STRIP2: variants seen among roughly 807,000 people sequenced by gnomAD.
STRIP2 encodes striatin interacting protein 2.
Under a neutral mutation model 107.1 loss-of-function variants are expected in STRIP2, and 84 were observed. The ratio of observed to expected loss-of-function variants is 0.78; its 90% CI spans 0.66 to 0.94. STRIP2 has a LOEUF of 0.94. STRIP2 is among the 40% of genes least tolerant of loss of function. The probability of loss-of-function intolerance (pLI) is 0.00; values close to 1 mark genes in which losing one functional copy is unlikely to be tolerated. For missense variants in STRIP2, 888 were observed against 1,034.2 expected (o/e 0.86, Z 1.94); for synonymous variants, 394 against 400.4 (o/e 0.98, Z 0.19).
At chr7:129,459,627 G>C (rs994071364) in intron 12 of STRIP2, 47 bp downstream of exon 12, 4 of 1,531,146 alleles carry the variant, frequency 2.6e-6, no homozygotes, top group Non-Finnish European at 3.6e-6. Flanking sequence ...AGCCATCAAA[G>C]CAGGTCAGAT....
At chr7:129,465,429 G>A (rs182981246) in intron 16 of STRIP2, among the ~76,000 whole-genome samples, 9 of 152,258 alleles carry the variant, frequency 5.9e-5, no homozygotes, top group East Asian at 3.9e-4. Flanking sequence ...TTTAAAAACC[G>A]TAATTAAATG....
chr7:129,478,593 C>T (rs981864834), intron 18 of STRIP2, among the ~76,000 whole-genome samples: 1 of 152,194 alleles, frequency 6.6e-6, no homozygotes, highest in Non-Finnish European at 1.5e-5. Context: ...ATGGTACATA[C>T]TTGCAATACA....
intron 3 of STRIP2, among the ~76,000 whole-genome samples, chr7:129,451,126 C>T (rs112472844): frequency 0.2 from 30,230 of 151,324 alleles, 3,887 homozygotes; most frequent in Non-Finnish European, 0.28. Flanking sequence ...TTAGTAGAGA[C>T]GGGGTTTCAC....
chr7:129,444,534 C>T (rs2150989246), intron 3 of STRIP2, among the ~76,000 whole-genome samples: 1 of 152,326 alleles, frequency 6.6e-6, no homozygotes, highest in Admixed American at 6.5e-5. Flanking sequence ...CCTTCCCCAG[C>T]CGGCTGACTC....
chr7:129,467,467 G>T lies in STRIP2; in HGVS notation c.1877+17G>T. On this transcript the variant is annotated intron_variant, in intron 17 of 20. Coordinates refer to ENST00000249344, the MANE Select transcript of STRIP2 (RefSeq NM_020704.3). ...CAAAAACAGGTATGAACTCTGGACA[G>T]GTTTATTTCAAGGGGCTATTTTGGG... 1 of 1,589,692 alleles carries T rather than the reference G, an allele frequency of 6.3e-7. No individual in the cohort carries two copies.
intron 3 of STRIP2, among the ~76,000 whole-genome samples, chr7:129,449,004 G>T (rs1317772111): frequency 6.6e-6 from 1 of 152,136 alleles, no homozygotes; most frequent in Admixed American, 6.5e-5. Context: ...TAAGCCTTTG[G>T]ATCCCTTCCT....
At chr7:129,464,016 G>C in intron 14 of STRIP2, 28 bp from the exon 15 acceptor site, 1 of 1,592,076 alleles carries the variant, frequency 6.3e-7, no homozygotes, top group Non-Finnish European at 8.6e-7. Flanking sequence ...TTTGACAGTG[G>C]TAAATTTCTT....
At chr7:129,462,394 A>G (rs1422131258) in intron 13 of STRIP2, among the ~76,000 whole-genome samples, 1 of 152,152 alleles carries the variant, frequency 6.6e-6, no homozygotes, top group Non-Finnish European at 1.5e-5. Context: ...TGAGCAGCTT[A>G]TTGGGTCCCT....
intron 18 of STRIP2, among the ~76,000 whole-genome samples, chr7:129,480,249 T>G (rs768322642): frequency 1.3e-5 from 2 of 152,184 alleles, no homozygotes; most frequent in Non-Finnish European, 2.9e-5. Context: ...AATATCTGAT[T>G]AGAAGAAACC....
intron 1 of STRIP2, among the ~76,000 whole-genome samples, chr7:129,436,880 A>C (rs1562891283): frequency 6.6e-6 from 1 of 152,192 alleles, no homozygotes; most frequent in African/African-American, 2.4e-5. Context: ...AAGCTAAAGA[A>C]TAATTGTTTG....
chr7:129,440,227 T>C lies in STRIP2; in HGVS notation c.199+136T>C, dbSNP rs1481427988. 13 of 686,176 alleles carry C rather than the reference T, an allele frequency of 1.9e-5. No individual in the cohort carries two copies. In the East Asian group the frequency reaches 3.4e-4, roughly 18 times the overall value. The allele number at this position is 686,176 out of a possible 1,614,324, so 42.5% of individuals were successfully genotyped here. On this transcript the variant is annotated intron_variant, in intron 2 of 20. Coordinates refer to ENST00000249344, the MANE Select transcript of STRIP2 (RefSeq NM_020704.3). ...AGGCTGTTCTCCACATTCCTTTTCC[T>C]CTCCATCCAAGTGGTAAATATCTCT...
intron 4 of STRIP2, 30 bp from the exon 5 acceptor site, chr7:129,453,197 A>G: frequency 6.2e-7 from 1 of 1,613,568 alleles, no homozygotes; most frequent in Non-Finnish European, 8.5e-7. Flanking sequence ...GCCACCCCTC[A>G]ACCCCTGTAA....
intron 18 of STRIP2, 103 bp from the exon 19 acceptor site, chr7:129,480,682 T>A: frequency 1.2e-6 from 1 of 848,962 alleles, no homozygotes; most frequent in Non-Finnish European, 1.9e-6. Flanking sequence ...TATTATTTCA[T>A]ACAGGAAGGC....
At chr7:129,463,917 G>A (rs1345077954) in intron 14 of STRIP2, 127 bp from the exon 15 acceptor site, 4 of 690,646 alleles carry the variant, frequency 5.8e-6, no homozygotes, top group Non-Finnish European at 7.6e-6. Context: ...GGGAGATATG[G>A]TCATTGAGGG....
intron 16 of STRIP2, among the ~76,000 whole-genome samples, chr7:129,466,499 T>G (rs1181556779): frequency 6.6e-6 from 1 of 152,174 alleles, no homozygotes; most frequent in East Asian, 1.9e-4. Flanking sequence ...CATAGTTCTC[T>G]GCTTTTTCAA....
intron 16 of STRIP2, 39 bp from the exon 17 acceptor site, chr7:129,467,311 C>A: frequency 6.9e-7 from 1 of 1,452,954 alleles, no homozygotes; most frequent in Non-Finnish European, 9.7e-7. Flanking sequence ...CCATTCTCCT[C>A]CAAATAAGCA....
chr7:129,441,008 GATATAA>G (rs1179569123), intron 2 of STRIP2, among the ~76,000 whole-genome samples: 1 of 151,852 alleles, frequency 6.6e-6, no homozygotes, highest in African/African-American at 2.4e-5. Context: ...ATAGGAATAT[GATATAA>G]ATATATATAT....
At position 129,455,301 on chromosome 7, in the gene STRIP2, A is replaced by G; in HGVS notation, c.764A>G (p.Lys255Arg). ...FALLLFSMVT[K>R]FCSGLAPHFP... ...CTTTTACTCTTCTCCATGGTTACCA[A>G]GTTCTGCAGTGGCCTGGCTCCTCAC... The change falls in exon 8 of 21, where the codon AAG (lysine) becomes AGG (arginine). Residue 255 changes from lysine (K) to arginine (R), a missense_variant. By Grantham distance (26) the Lys-to-Arg change is conservative (BLOSUM62 2). Coordinates refer to ENST00000249344, the MANE Select transcript of STRIP2 (RefSeq NM_020704.3). The G allele has an allele frequency of 6.2e-7, 1 of 1,613,964 alleles. No homozygotes were observed. The highest frequency in any genetic ancestry group is 8.5e-7 in the Non-Finnish European group (1 of 1,179,930).
chr7:129,448,592 T>A (rs969028763), intron 3 of STRIP2, among the ~76,000 whole-genome samples: 1 of 152,134 alleles, frequency 6.6e-6, no homozygotes, highest in Non-Finnish European at 1.5e-5. Context: ...AGTAGGAATA[T>A]AGTAGGCTTC....
Sources: allele counts gnomAD v4.1 joint callset (sites outside exome capture counted in the v4.1 genomes callset), GRCh38; gene constraint gnomAD v4.1.1; transcripts MANE v1.5; gene names NCBI Gene and HGNC (gene_info 2026-07-23, HGNC 2026-07-21).